TMEM232: variants seen among roughly 807,000 people sequenced by gnomAD.
TMEM232 encodes transmembrane protein 232.
Under a neutral mutation model 78.8 loss-of-function variants are expected in TMEM232, and 80 were observed. The observed-to-expected ratio is 1.01, with a 90% CI of 0.85 to 1.22. The LOEUF is 1.22. Ranked by LOEUF, TMEM232 falls within the 50% of genes most tolerant of loss-of-function variation. The pLI is 0.00. For missense variants in TMEM232, 881 were observed against 742.2 expected, an observed-to-expected ratio of 1.19 and a Z score of -2.17; for synonymous variants, 297 against 254.3, an observed-to-expected ratio of 1.17 and a Z score of -1.60.
At chr5:110,664,111 G>A (rs183180936) in intron 2 of TMEM232, among the ~76,000 whole-genome samples, 25 of 152,196 alleles carry the variant, frequency 1.6e-4, no homozygotes, top group Non-Finnish European at 3.1e-4. Context: ...CTGCACTCCA[G>A]CCTGGGAGAT....
chr5:110,413,281 A>C (rs2112585254), intron 2 of TMEM232, among the ~76,000 whole-genome samples: 1 of 152,152 alleles, frequency 6.6e-6, no homozygotes, highest in South Asian at 2.1e-4. Flanking sequence ...TTGGACTCCA[A>C]GTTCTTTAGC....
intron 5 of TMEM232, among the ~76,000 whole-genome samples, chr5:110,637,139 T>A (rs1785957990): frequency 1.3e-5 from 2 of 150,284 alleles, no homozygotes; most frequent in Admixed American, 6.7e-5. Flanking sequence ...TTATTTTTAC[T>A]TATATATATT....
chr5:110,576,106 A>T (rs1283246750), intron 10 of TMEM232, among the ~76,000 whole-genome samples: 1 of 152,104 alleles, frequency 6.6e-6, no homozygotes, highest in African/African-American at 2.4e-5. Context: ...CTCTGTTTGC[A>T]GATGGCATGA....
At chr5:110,610,415 A>G (rs949570024) in intron 8 of TMEM232, 14 of 218,580 alleles carry the variant, frequency 6.4e-5, no homozygotes, top group African/African-American at 3.3e-4. Flanking sequence ...CATAATGTAA[A>G]AAATAAAATA....
chr5:110,435,521 C>T (rs982788707), intron 12 of TMEM232, among the ~76,000 whole-genome samples: 4 of 151,570 alleles, frequency 2.6e-5, no homozygotes, highest in Non-Finnish European at 5.9e-5. Context: ...GTATATATCT[C>T]CTATTGTGCT....
rs781115197 is a variant in TMEM232 at position 110,625,528 on chromosome 5, G to A, written c.602-95C>T. 2.3e-5 allele frequency: 26 copies of A among 1,144,660 alleles called. No individual in the cohort carries two copies. In the South Asian group the frequency reaches 5.2e-4, roughly 23 times the overall value. The allele number at this position is 1,144,660 out of a possible 1,614,324, so 70.9% of individuals were successfully genotyped here. A position where few individuals can be genotyped will look rare whatever the true frequency, so the allele number is the denominator to read the frequency against. On this transcript the variant is annotated intron_variant, in intron 6 of 13. Coordinates refer to ENST00000455884, the MANE Select transcript of TMEM232 (RefSeq NM_001039763.4). Reference sequence around the variant, plus strand: ...AGCTATTAAACTATAATTAAATTCAGTACTTAGATGCAGAAACTGCTAGTT... The same window carrying A: ...AGCTATTAAACTATAATTAAATTCAATACTTAGATGCAGAAACTGCTAGTT...
rs574951316 is a variant in TMEM232, at chr5:110,519,354, A to T, written c.1703+9234T>A. Among the ~76,000 whole-genome samples the T allele has an allele frequency of 1.6e-4, 25 of 152,276 alleles. No individual in the cohort carries two copies. The South Asian group carries it at 1.9e-3, about 11-fold the overall frequency. On this transcript the variant is annotated intron_variant, in intron 12 of 13. Transcript: ENST00000455884. ...CAAAGAATTACCTTAGAAGAAGCAT[A>T]AGGTACTGATGATTAATGTTCGACA...
intron 12 of TMEM232, among the ~76,000 whole-genome samples, chr5:110,468,080 C>A (rs2149368369): frequency 6.6e-6 from 1 of 151,408 alleles, no homozygotes; most frequent in Middle Eastern, 3.4e-3. Flanking sequence ...ATTCAACCCA[C>A]AACAAGGGAT....
At chr5:110,567,840 G>A (rs1384109664) in intron 11 of TMEM232, among the ~76,000 whole-genome samples, 1 of 151,924 alleles carries the variant, frequency 6.6e-6, no homozygotes, top group African/African-American at 2.4e-5. Flanking sequence ...ATGCTCAAGT[G>A]AGAGAATAGG....
rs181659619 is a variant in TMEM232 at position 110,483,798 on chromosome 5, A to G, written c.1703+44790T>C. Among the ~76,000 whole-genome samples, 297 of 152,280 alleles carry G rather than the reference A, an allele frequency of 2.0e-3. 3 individuals carry two copies. The highest frequency in any genetic ancestry group is 4.5e-3 in the African/African-American group (187 of 41,564). On this transcript the variant is annotated intron_variant, in intron 12 of 13. Coordinates refer to ENST00000455884, the MANE Select transcript of TMEM232 (RefSeq NM_001039763.4). ...AACTCCCATTTGACCCAGCAATTTC[A>G]TTACTGGGTATATACCCCAAAGGAA...
chr5:110,634,546 T>C (rs986654027), intron 5 of TMEM232, among the ~76,000 whole-genome samples: 1 of 151,944 alleles, frequency 6.6e-6, no homozygotes, highest in South Asian at 2.1e-4. Flanking sequence ...AAGAGGAACT[T>C]TGAAAACTAT....
chr5:110,674,854 A>C (rs1303613745), intron 1 of TMEM232, among the ~76,000 whole-genome samples: 1 of 152,218 alleles, frequency 6.6e-6, no homozygotes, highest in Non-Finnish European at 1.5e-5. Flanking sequence ...CAACTTTAGA[A>C]ACGCACAGAC....
chr5:110,425,247 A>G (rs753952936), intron 12 of TMEM232, among the ~76,000 whole-genome samples: 5 of 152,140 alleles, frequency 3.3e-5, no homozygotes, highest in Non-Finnish European at 5.9e-5. Context: ...TGTGATTTCA[A>G]TACATTTCCA....
At chr5:110,533,121 C>T (rs941255915) in intron 11 of TMEM232, among the ~76,000 whole-genome samples, 3 of 152,164 alleles carry the variant, frequency 2.0e-5, no homozygotes, top group Non-Finnish European at 4.4e-5. Context: ...CCCTGCACCC[C>T]TCGTCCCAGC....
chr5:110,546,940 GT>G lies in TMEM232; in HGVS notation c.1456-18106del, dbSNP rs2149598026. Among the ~76,000 whole-genome samples the G allele has an allele frequency of 2.0e-5, 3 of 151,046 alleles. 1 individual carries two copies. In the South Asian group the frequency reaches 6.3e-4, roughly 32 times the overall value. Reference sequence around the variant, plus strand: ...TGGAGTTTTATTACTGAAAATAAGTGTTGCCACGATACTACCAAAAAAAAAG... The same window carrying G: ...TGGAGTTTTATTACTGAAAATAAGTGTGCCACGATACTACCAAAAAAAAAG... On this transcript the variant is annotated intron_variant, in intron 11 of 13. Transcript: ENST00000455884.
At chr5:110,675,892 C>T (rs1328166215) in intron 1 of TMEM232, among the ~76,000 whole-genome samples, 1 of 152,082 alleles carries the variant, frequency 6.6e-6, no homozygotes, top group Admixed American at 6.6e-5. Context: ...TTAACTGAAA[C>T]TTGTTACCCT....
At chr5:110,432,301 C>A (rs555929410) in intron 12 of TMEM232, among the ~76,000 whole-genome samples, 27 of 151,744 alleles carry the variant, frequency 1.8e-4, no homozygotes, top group African/African-American at 6.5e-4. Flanking sequence ...AGAAGCCTTA[C>A]AAACCAGAAG....
At chr5:110,606,055 T>C (rs1781506468) in intron 9 of TMEM232, 109 bp downstream of exon 9, 2 of 963,692 alleles carry the variant, frequency 2.1e-6, no homozygotes, top group African/African-American at 1.7e-5. Context: ...TTTATTATTA[T>C]AAAGTTATGC....
intron 2 of TMEM232, among the ~76,000 whole-genome samples, chr5:110,659,908 TA>T (rs1789564916): frequency 6.6e-6 from 1 of 151,488 alleles, no homozygotes; most frequent in African/African-American, 2.4e-5. Flanking sequence ...GAATAAAGAG[TA>T]AAAGATGTAA....
Sources: gnomAD v4.1 joint callset for allele counts (sites outside exome capture counted in the v4.1 genomes callset) on GRCh38, gnomAD v4.1.1 for gene constraint, MANE v1.5 for transcripts, NCBI Gene and HGNC (gene_info 2026-07-23, HGNC 2026-07-21) for gene names.